The following DBX2 variants were observed in gnomAD, a reference collection of about 807,000 sequenced individuals.
DBX2 encodes homeobox protein DBX2.
Under a neutral mutation model 17.7 loss-of-function variants are expected in DBX2, and 16 were observed. That is an observed-to-expected ratio of 0.90 (90% CI 0.61 to 1.37). The LOEUF (loss-of-function observed/expected upper bound fraction) is 1.37. DBX2 is among the 40% of genes most tolerant of loss of function. The probability of loss-of-function intolerance (pLI) is 0.00; values close to 1 mark genes in which losing one functional copy is unlikely to be tolerated. For missense variants in DBX2, 538 were observed against 433.8 expected (o/e 1.24, Z -2.13); for synonymous variants, 255 against 183.8 (o/e 1.39, Z -3.13).
intron 1 of DBX2, among the ~76,000 whole-genome samples, chr12:45,049,609 G>A (rs1161509484): frequency 6.6e-6 from 1 of 151,380 alleles, no homozygotes; most frequent in Admixed American, 6.6e-5. Context: ...TAGTCATTCT[G>A]GACAAACCCA....
chr12:45,028,486 A>G (rs1049147762), intron 2 of DBX2, among the ~76,000 whole-genome samples: 13 of 152,226 alleles, frequency 8.5e-5, no homozygotes, highest in African/African-American at 3.1e-4. Flanking sequence ...TCTACATGTT[A>G]AAATAAAATA....
Position 45,051,007 on chromosome 12 carries a change from G to A in DBX2, c.-80C>T. 7.6e-7 allele frequency: 1 copy of A among 1,308,592 alleles called. No homozygotes were observed. Among genetic ancestry groups the A allele is most frequent in the Non-Finnish European group, 9.7e-7 (1 of 1,032,594 alleles). 81.1% of individuals were successfully genotyped at this position (1,308,592 alleles called of 1,614,324 possible). ...GGCGCCCCGCACCGCACCCAGAGCC[G>A]CAGCTTCTCGCCGCCGCCTCCCGCA... is the stretch of plus-strand genomic sequence containing the variant. On this transcript the variant is annotated 5_prime_UTR_variant, in exon 1 of 4. Transcript: ENST00000332700.
At chr12:45,045,742 CAG>C (rs1946496054) in intron 1 of DBX2, among the ~76,000 whole-genome samples, 1 of 152,104 alleles carries the variant, frequency 6.6e-6, no homozygotes, top group South Asian at 2.1e-4. Flanking sequence ...GTTTTTTAGA[CAG>C]AGTCTCGCTC....
chr12:45,043,381 A>G (rs538462853), intron 1 of DBX2, among the ~76,000 whole-genome samples: 1 of 152,344 alleles, frequency 6.6e-6, no homozygotes, highest in Admixed American at 6.5e-5. Context: ...GCAAGGCTTC[A>G]TATGACCTAG....
At chr12:45,021,570 C>G (rs1946352198) in intron 3 of DBX2, among the ~76,000 whole-genome samples, 1 of 152,130 alleles carries the variant, frequency 6.6e-6, no homozygotes, top group Admixed American at 6.5e-5. Flanking sequence ...AGAGGCTCTC[C>G]AAACTCCTAA....
At chr12:45,017,621 C>T (rs1946330580) in intron 3 of DBX2, among the ~76,000 whole-genome samples, 1 of 152,166 alleles carries the variant, frequency 6.6e-6, no homozygotes, top group African/African-American at 2.4e-5. Context: ...CAATAAATAA[C>T]AACTAATTGT....
At chr12:45,024,569 TC>T (rs1288892318) in intron 2 of DBX2, among the ~76,000 whole-genome samples, 2 of 152,226 alleles carry the variant, frequency 1.3e-5, no homozygotes. Flanking sequence ...ACTTCATTTT[TC>T]TCTAATTCTT....
intron 2 of DBX2, among the ~76,000 whole-genome samples, chr12:45,031,189 CAA>C (rs1467918391): frequency 2.0e-5 from 1 of 50,078 alleles, no homozygotes; most frequent in East Asian, 9.8e-4. Flanking sequence ...TTCTTATTTT[CAA>C]GTGTGTGTGT....
intron 2 of DBX2, among the ~76,000 whole-genome samples, chr12:45,026,261 G>A (rs1223039212): frequency 6.6e-6 from 1 of 152,130 alleles, no homozygotes; most frequent in African/African-American, 2.4e-5. Context: ...AAGTGGAATG[G>A]AGTCAGTTAA....
chr12:45,029,493 A>G (rs1946397586), intron 2 of DBX2, among the ~76,000 whole-genome samples: 1 of 152,248 alleles, frequency 6.6e-6, no homozygotes, highest in South Asian at 2.1e-4. Context: ...TTGTCAAATT[A>G]CATCAAAGAT....
intron 1 of DBX2, among the ~76,000 whole-genome samples, chr12:45,038,238 TA>T (rs1443077995): frequency 6.6e-6 from 1 of 151,854 alleles, no homozygotes; most frequent in African/African-American, 2.4e-5. Flanking sequence ...CCCTCCAAGA[TA>T]AACATTCTAT....
Position 45,020,675 on chromosome 12 carries a change from GTA to G in DBX2, c.687+3030_687+3031del, listed in dbSNP as rs10649840. Among the ~76,000 whole-genome samples, 781 of 145,986 alleles carry G rather than the reference GTA, an allele frequency of 5.3e-3. 4 individuals carry two copies. The highest frequency in any genetic ancestry group is 7.6e-3 in the Admixed American group (110 of 14,558). On this transcript the variant is annotated intron_variant, in intron 3 of 3. Transcript: ENST00000332700. ...TTTATGTATGTATATGTATATATATGTATATATATATATATACACACACACAC... is the reference window on the plus strand; with the variant it reads ...TTTATGTATGTATATGTATATATATGTATATATATATATACACACACACAC...
At chr12:45,039,476 G>A (rs1487595862) in intron 1 of DBX2, among the ~76,000 whole-genome samples, 2 of 151,188 alleles carry the variant, frequency 1.3e-5, no homozygotes, top group East Asian at 3.9e-4. Context: ...AGGTAGAAAA[G>A]GTAATTTGAT....
At chr12:45,021,582 C>A (rs537005547) in intron 3 of DBX2, among the ~76,000 whole-genome samples, 1 of 152,180 alleles carries the variant, frequency 6.6e-6, no homozygotes, top group Non-Finnish European at 1.5e-5. Context: ...AACTCCTAAA[C>A]CTGCCTGTTT....
chr12:45,029,740 G>A (rs1483332284), intron 2 of DBX2, among the ~76,000 whole-genome samples: 3 of 151,926 alleles, frequency 2.0e-5, no homozygotes, highest in South Asian at 2.1e-4. Context: ...GTGCGTGCCC[G>A]TAATCCCAGC....
At chr12:45,021,052 T>C (rs1003058533) in intron 3 of DBX2, among the ~76,000 whole-genome samples, 2 of 152,178 alleles carry the variant, frequency 1.3e-5, no homozygotes, top group African/African-American at 4.8e-5. Flanking sequence ...AATAAGAGAA[T>C]GTTAAATTAC....
At chr12:45,027,769 C>A (rs962241793) in intron 2 of DBX2, among the ~76,000 whole-genome samples, 8 of 152,144 alleles carry the variant, frequency 5.3e-5, no homozygotes, top group African/African-American at 1.7e-4. Flanking sequence ...AAGTTTGGTT[C>A]TATTTTCTAA....
At chr12:45,042,499 G>A (rs1946476863) in intron 1 of DBX2, among the ~76,000 whole-genome samples, 1 of 152,164 alleles carries the variant, frequency 6.6e-6, no homozygotes, top group Non-Finnish European at 1.5e-5. Flanking sequence ...AGGTGAAGGA[G>A]ACCAGCCTGG....
In DBX2 at chr12:45,050,934, G is replaced by T. The variant is rs1031551235; in HGVS notation, c.-7C>A. The T allele has an allele frequency of 1.4e-6, 2 of 1,448,468 alleles. No homozygotes were observed. The highest frequency in any genetic ancestry group is 1.8e-6 in the Non-Finnish European group (2 of 1,098,606). 89.7% of individuals were successfully genotyped at this position (1,448,468 alleles called of 1,614,324 possible). A position where few individuals can be genotyped will look rare whatever the true frequency, so the allele number is the denominator to read the frequency against. ...CGACCGCGCTGGGGAGCATAGTGCG[G>T]CGCCAACCGGTCTGCTGCGCGCCCG... On this transcript the variant is annotated 5_prime_UTR_variant, in exon 1 of 4. Coordinates refer to ENST00000332700, the MANE Select transcript of DBX2 (RefSeq NM_001004329.3).
Sources: gnomAD v4.1 joint callset for allele counts (sites outside exome capture counted in the v4.1 genomes callset) on GRCh38, gnomAD v4.1.1 for gene constraint, MANE v1.5 for transcripts, NCBI Gene and HGNC (gene_info 2026-07-23, HGNC 2026-07-21) for gene names.